The following SEC16B variants were observed in gnomAD, a reference collection of about 807,000 sequenced individuals.
SEC16B encodes SEC16 homolog B, endoplasmic reticulum export factor.
Under a neutral mutation model 141.8 loss-of-function variants are expected in SEC16B, and 115 were observed. That is an observed-to-expected ratio of 0.81 (90% CI 0.70 to 0.95). The LOEUF is 0.95. SEC16B is among the 40% of genes least tolerant of loss of function. The pLI is 0.00. For missense variants in SEC16B, 1,291 were observed against 1,312.3 expected (o/e 0.98, Z 0.25); for synonymous variants, 493 against 492.5 (o/e 1.00, Z -0.01).
At chr1:177,967,154 T>C (rs148845089) in intron 2 of SEC16B, among the ~76,000 whole-genome samples, 1 of 152,234 alleles carries the variant, frequency 6.6e-6, no homozygotes, top group Non-Finnish European at 1.5e-5. Context: ...TGAGGTCAAT[T>C]TTTTTTAAGT....
rs1651528141 is a variant in SEC16B, at chr1:177,944,594, C to T, written c.1848G>A (p.Leu616=). 1.2e-6 allele frequency: 2 copies of T among 1,613,858 alleles called. No individual in the cohort carries two copies. Among genetic ancestry groups the T allele is most frequent in the Non-Finnish European group, 1.7e-6 (2 of 1,179,818 alleles). ...AAGGGATGAAGGATTTGGGGCGGCC[C>T]AGCATCTGACAGTACTCGAAGATTT... is the stretch of plus-strand genomic sequence containing the variant. ...RTEIFEYCQM[L]GRPKSFIPSF... is the part of the protein sequence containing the mutation. The change falls in exon 15 of 26, where the codon CTG becomes CTA. Residue 616 remains leucine, a synonymous_variant. Coordinates refer to ENST00000308284, the MANE Select transcript of SEC16B (RefSeq NM_033127.4).
intron 1 of SEC16B, among the ~76,000 whole-genome samples, chr1:177,979,096 T>C (rs139980289): frequency 1.3e-3 from 201 of 152,304 alleles, no homozygotes; most frequent in African/African-American, 4.7e-3. Flanking sequence ...AGGTCTTCTA[T>C]TGGAATGCTT....
chr1:177,946,601 T>A, intron 13 of SEC16B, 70 bp from the exon 14 acceptor site: 1 of 1,233,882 alleles, frequency 8.1e-7, no homozygotes, highest in South Asian at 1.4e-5. Flanking sequence ...CTGGGTGGGA[T>A]GGGAGACAGA....
At chr1:177,941,094 C>T (rs981615184) in intron 16 of SEC16B, among the ~76,000 whole-genome samples, 1 of 152,206 alleles carries the variant, frequency 6.6e-6, no homozygotes, top group Non-Finnish European at 1.5e-5. Flanking sequence ...TGATTCCATA[C>T]GTCTGGGCAG....
intron 7 of SEC16B, 87 bp from the exon 8 acceptor site, chr1:177,960,490 G>A (rs1156459359): frequency 2.1e-5 from 20 of 946,052 alleles, no homozygotes; most frequent in Admixed American, 1.6e-4. Flanking sequence ...CCCCAAGGCC[G>A]TGGGGCTAGG....
Position 177,958,396 on chromosome 1 carries a change from CTA to C in SEC16B, c.1135-36_1135-35del, listed in dbSNP as rs531349143. ...CAAAGAGGATCATCTGGGGAGAATC[CTA>C]TGAGTCCTCAGGCTGGCAGCCCCAG... On this transcript the variant is annotated intron_variant, in intron 9 of 25. Coordinates refer to ENST00000308284, the MANE Select transcript of SEC16B (RefSeq NM_033127.4). The C allele has an allele frequency of 3.3e-4, 485 of 1,490,446 alleles. 1 individual carries two copies. In the African/African-American group the frequency reaches 6.2e-3, roughly 19 times the overall value. 92.3% of individuals were successfully genotyped at this position (1,490,446 alleles called of 1,614,324 possible).
At chr1:177,957,115 AC>A (rs1458556351) in intron 10 of SEC16B, among the ~76,000 whole-genome samples, 1 of 152,156 alleles carries the variant, frequency 6.6e-6, no homozygotes, top group Non-Finnish European at 1.5e-5. Flanking sequence ...TATATAAAGA[AC>A]CTTTTAAAAG....
intron 1 of SEC16B, among the ~76,000 whole-genome samples, chr1:177,981,898 T>C (rs1199179316): frequency 6.6e-6 from 1 of 152,236 alleles, no homozygotes; most frequent in East Asian, 1.9e-4. Context: ...GATTTGTATG[T>C]GCTTTGATTT....
intron 3 of SEC16B, 56 bp from the exon 4 acceptor site, chr1:177,965,223 C>T: frequency 1.3e-6 from 2 of 1,597,460 alleles, no homozygotes; most frequent in Non-Finnish European, 1.7e-6. Flanking sequence ...TCTGAAAGTT[C>T]TTAGAAAGAT....
chr1:177,940,497 G>T, intron 17 of SEC16B, 113 bp downstream of exon 17: 1 of 704,168 alleles, frequency 1.4e-6, no homozygotes, highest in Non-Finnish European at 2.5e-6. Flanking sequence ...ACCAGGGTGA[G>T]GCATGGGGAC....
At position 177,963,789 on chromosome 1, in the gene SEC16B, C is replaced by T. The variant is rs1284115325; in HGVS notation, c.642+382G>A. Among the ~76,000 whole-genome samples, 8 of 152,146 alleles carry T rather than the reference C, an allele frequency of 5.3e-5. No homozygotes were observed. In the East Asian group the frequency reaches 1.5e-3, roughly 29 times the overall value. ...AGGTTTCAAGCCCTGCTTCTCAAAC[C>T]TGAATTCAAAGATTCTAGCAATTTC... is the stretch of plus-strand genomic sequence containing the variant. On this transcript the variant is annotated intron_variant, in intron 5 of 25. Coordinates refer to ENST00000308284, the MANE Select transcript of SEC16B (RefSeq NM_033127.4).
intron 20 of SEC16B, 125 bp from the exon 21 acceptor site, chr1:177,933,761 C>T: frequency 1.0e-6 from 1 of 965,490 alleles, no homozygotes; most frequent in South Asian, 1.6e-5. Flanking sequence ...TCATATTGTA[C>T]TGAAGAGGAA....
In SEC16B at chr1:177,975,664, T is replaced by C. The variant is rs570370052; in HGVS notation, c.-58-7625A>G. 9.2e-5 allele frequency among the ~76,000 whole-genome samples: 14 copies of C among 152,338 alleles called. No individual in the cohort carries two copies. In the South Asian group the frequency reaches 2.9e-3, roughly 32 times the overall value. ...AATCAAAGTGGGAATGATGAGATAA[T>C]GGCCACACATGTATTTCCAGCAACA... On this transcript the variant is annotated intron_variant and NMD_transcript_variant, in intron 1 of 24. Coordinates refer to the SEC16B transcript ENST00000528461.
chr1:177,964,215 C>A lies in SEC16B; in HGVS notation c.598G>T (p.Glu200Ter), dbSNP rs1343168543. 2 of 1,613,416 alleles carry A rather than the reference C, an allele frequency of 1.2e-6. No individual in the cohort carries two copies. The highest frequency in any genetic ancestry group is 1.3e-5 in the African/African-American group (1 of 75,004). Residue 200 changes from glutamate to a stop codon, truncating the protein, a stop_gained, in exon 5 of 26, where the codon GAG becomes TAG. Transcript: ENST00000308284. LOFTEE classifies it high-confidence loss of function. ...ASNSGQEWPG[E>*]LFPGSLLAEA... ...GCAAGCAGGCTCCCTGGAAACAGCTCCCCCGGCCACTCCTGTCCAGAGTTG... is the reference window on the plus strand; with the variant it reads ...GCAAGCAGGCTCCCTGGAAACAGCTACCCCGGCCACTCCTGTCCAGAGTTG...
intron 12 of SEC16B, among the ~76,000 whole-genome samples, chr1:177,950,417 G>C (rs1652081303): frequency 6.6e-6 from 1 of 152,112 alleles, no homozygotes; most frequent in South Asian, 2.1e-4. Flanking sequence ...AATATGGCCT[G>C]GCCCATCCTC....
upstream of SEC16B, among the ~76,000 whole-genome samples, chr1:177,972,218 C>G (rs895361215): frequency 2.0e-5 from 3 of 152,136 alleles, no homozygotes; most frequent in Non-Finnish European, 2.9e-5. Context: ...TTTAATTATT[C>G]TATATAGACA....
At chr1:177,934,589 G>A (rs1015496285) in intron 20 of SEC16B, among the ~76,000 whole-genome samples, 2 of 152,162 alleles carry the variant, frequency 1.3e-5, no homozygotes, top group Non-Finnish European at 2.9e-5. Flanking sequence ...ATAGTCCTGT[G>A]AGCTAGGTGC....
chr1:177,980,092 A>T (rs983167054), intron 1 of SEC16B, among the ~76,000 whole-genome samples: 3 of 152,176 alleles, frequency 2.0e-5, no homozygotes, highest in Non-Finnish European at 2.9e-5. Flanking sequence ...TGTATGCAAC[A>T]CTGCTTCTGT....
intron 24 of SEC16B, 91 bp from the exon 25 acceptor site, chr1:177,930,734 G>T: frequency 1.2e-6 from 1 of 865,454 alleles, no homozygotes; most frequent in Non-Finnish European, 1.8e-6. Context: ...AGGATTATTT[G>T]TTTTTTTCTC....
Sources: allele counts gnomAD v4.1 joint callset (sites outside exome capture counted in the v4.1 genomes callset), GRCh38; gene constraint gnomAD v4.1.1; transcripts MANE v1.5; gene names NCBI Gene and HGNC (gene_info 2026-07-23, HGNC 2026-07-21).